Variants in BMS1 observed in about 807,000 individuals in gnomAD.
The protein encoded by BMS1 is BMS1 ribosome biogenesis factor, also known as ribosome biogenesis protein BMS1 homolog.
Under a neutral mutation model 138.7 loss-of-function variants are expected in BMS1, and 53 were observed. The observed-to-expected ratio is 0.38, with a 90% confidence interval of 0.31 to 0.48. The LOEUF is 0.48. Ranked by LOEUF, BMS1 falls within the 20% of genes least tolerant of loss-of-function variation. The pLI, the probability that BMS1 is intolerant of heterozygous loss-of-function variation, is 0.97. For synonymous variants in BMS1, 504 were observed against 539.9 expected, an observed-to-expected ratio of 0.93 and a Z score of 0.92; for missense variants, 1,360 against 1,565.5, an observed-to-expected ratio of 0.87 and a Z score of 2.22.
intron 2 of BMS1, 150 bp downstream of exon 2, chr10:42,784,720 A>C (rs578007308): frequency 1.6e-5 from 14 of 896,550 alleles, no homozygotes; most frequent in Admixed American, 3.4e-5. Context: ...AAACGTGAGA[A>C]GCTTTTCCCA....
rs902607196 is a variant in BMS1, at chr10:42,831,942, CTA to C, written c.*848_*849del. On this transcript the variant is annotated 3_prime_UTR_variant, in exon 23 of 23. Coordinates refer to ENST00000374518, the MANE Select transcript of BMS1 (RefSeq NM_014753.4). ...GTATGTTGATATAGTTATGGGGAAT[CTA>C]TTCCTATACGATGTAATCATAGATT... 10 of 152,022 alleles carry C rather than the reference CTA, an allele frequency of 6.6e-5. No homozygotes were observed. Among genetic ancestry groups the C allele is most frequent in the African/African-American group, 2.2e-4 (9 of 41,404 alleles). 9.4% of individuals were successfully genotyped at this position (152,022 alleles called of 1,614,324 possible).
chr10:42,801,120 G>T (rs1407979667), intron 12 of BMS1, among the ~76,000 whole-genome samples: 1 of 152,148 alleles, frequency 6.6e-6, no homozygotes, highest in Non-Finnish European at 1.5e-5. Context: ...GTAGGAAATG[G>T]TATTTCAACG....
In BMS1 at chr10:42,785,508, A is replaced by G; in HGVS notation, c.203A>G (p.His68Arg). ...HRTQDLKTKK[H>R]HIPVVDRTPL... ...ACTCAGGATTTGAAGACAAAAAAGC[A>G]TCATATTCCAGTGGTTGATCGAACT... is the stretch of plus-strand genomic sequence containing the variant. Residue 68 changes from histidine to arginine, a missense_variant, in exon 3 of 23, where the codon CAT becomes CGT. His to Arg is a conservative substitution (Grantham distance 29). Coordinates refer to ENST00000374518, the MANE Select transcript of BMS1 (RefSeq NM_014753.4). 1.2e-6 allele frequency: 2 copies of G among 1,611,148 alleles called. No individual in the cohort carries two copies. The highest frequency in any genetic ancestry group is 8.5e-7 in the Non-Finnish European group (1 of 1,178,716).
rs753042234 is a variant in BMS1 at position 42,793,149 on chromosome 10, C to T, written c.1089+5C>T. The T allele has an allele frequency of 1.9e-5, 30 of 1,595,496 alleles. No homozygotes were observed. In the South Asian group the frequency reaches 2.1e-4, roughly 11 times the overall value. On this transcript the variant is annotated splice_donor_5th_base_variant and intron_variant, in intron 8 of 22. Transcript: ENST00000374518. ...GGTGGCAGCCACGTTTTTCAGGTAT[C>T]GGTGAGACGGGAGTCATTTCTCTGA... is the stretch of plus-strand genomic sequence containing the variant.
chr10:42,832,023 T>TA lies in BMS1; in HGVS notation c.*928dup. The TA allele has an allele frequency of 6.6e-6, 1 of 152,220 alleles. No individual in the cohort carries two copies. Among genetic ancestry groups the TA allele is most frequent in the East Asian group, 1.9e-4 (1 of 5,192 alleles). The allele number at this position is 152,220 out of a possible 1,614,324, so 9.4% of individuals were successfully genotyped here. On this transcript the variant is annotated 3_prime_UTR_variant, in exon 23 of 23. Transcript: ENST00000374518. ...TCTCTCAGTGGTAATGTTTCACACATATAACAATCAGGATGTTGACATCAA... is the reference window on the plus strand; with the variant it reads ...TCTCTCAGTGGTAATGTTTCACACATAATAACAATCAGGATGTTGACATCAA...
At chr10:42,830,450 C>G (rs762863556) in intron 22 of BMS1, 28 bp downstream of exon 22, 2 of 1,577,448 alleles carry the variant, frequency 1.3e-6, no homozygotes, top group Non-Finnish European at 1.7e-6. Context: ...GTACTGCACG[C>G]TGCGTTTAGA....
chr10:42,792,350 A>G, intron 6 of BMS1, 143 bp from the exon 7 acceptor site: 1 of 1,133,562 alleles, frequency 8.8e-7, no homozygotes. Context: ...GTGGATGGTG[A>G]ATGGTGCCTC....
At chr10:42,822,304 C>T in intron 19 of BMS1, 120 bp downstream of exon 19, 3 of 601,106 alleles carry the variant, frequency 5.0e-6, no homozygotes, top group Non-Finnish European at 8.2e-6. Context: ...CTTTTATAAA[C>T]TTCATATTTT....
intron 15 of BMS1, among the ~76,000 whole-genome samples, 190 bp downstream of exon 15, chr10:42,817,684 T>C (rs17159047): frequency 0.094 from 14,353 of 152,202 alleles, 794 homozygotes; most frequent in African/African-American, 0.12. Context: ...GTTTCTGCAG[T>C]CAGAGGGTCA....
At position 42,832,701 on chromosome 10, in the gene BMS1, C is replaced by G. The variant is rs1842822205; in HGVS notation, c.*1605C>G. 1.3e-5 allele frequency: 2 copies of G among 152,090 alleles called. No individual in the cohort carries two copies. Among genetic ancestry groups the G allele is most frequent in the Admixed American group, 6.6e-5 (1 of 15,266 alleles). 9.4% of individuals were successfully genotyped at this position (152,090 alleles called of 1,614,324 possible). On this transcript the variant is annotated 3_prime_UTR_variant, in exon 23 of 23. Transcript: ENST00000374518. Reference sequence around the variant, plus strand: ...AAGAAGGGAAGAGGATGTGAGGATCCTGTCAGGGCTAGGTCCACCTGGGAA... The same window carrying G: ...AAGAAGGGAAGAGGATGTGAGGATCGTGTCAGGGCTAGGTCCACCTGGGAA...
At position 42,823,155 on chromosome 10, in the gene BMS1, A is replaced by G; in HGVS notation, c.3170A>G (p.Glu1057Gly). Reference protein sequence around the residue: ...FNSALEVAKFEGAVIRTVSGI... With the variant: ...FNSALEVAKFGGAVIRTVSGI... ...TCTGCCTTGGAAGTGGCCAAATTTG[A>G]AGGTGCTGTGATTCGAACAGTCAGT... The change falls in exon 20 of 23, where the codon GAA (glutamate) becomes GGA (glycine). Residue 1057 changes from glutamate (E) to glycine (G), a missense_variant. Physicochemically the swap from Glu to Gly is moderately conservative, Grantham distance 98. Around this residue, in one of 3 missense-constraint regions of BMS1, gnomAD observed 425 missense variants for 568.3 expected, o/e 0.75. Transcript: ENST00000374518. 6.2e-7 allele frequency: 1 copy of G among 1,606,532 alleles called. No individual in the cohort carries two copies. The highest frequency in any genetic ancestry group is 8.5e-7 in the Non-Finnish European group (1 of 1,178,070).
chr10:42,806,689 C>G (rs183031365), intron 13 of BMS1, among the ~76,000 whole-genome samples: 1 of 147,200 alleles, frequency 6.8e-6, no homozygotes, highest in African/African-American at 2.5e-5. Context: ...AAGCTGAGAT[C>G]GCGCCACTGT....
In BMS1 at chr10:42,823,480, G is replaced by A. The variant is rs1842559123; in HGVS notation, c.3281-129G>A. ...GATCTATGAGAATAGTTTCCTTAGC[G>A]AGCTTTTCCTTCAAATACTTTGCAG... On this transcript the variant is annotated intron_variant, in intron 20 of 22. Coordinates refer to ENST00000374518, the MANE Select transcript of BMS1 (RefSeq NM_014753.4). 7 of 1,145,572 alleles carry A rather than the reference G, an allele frequency of 6.1e-6. No individual in the cohort carries two copies. In the East Asian group the frequency reaches 7.9e-5, roughly 13 times the overall value. 71.0% of individuals were successfully genotyped at this position (1,145,572 alleles called of 1,614,324 possible).
chr10:42,785,407 A>T, intron 2 of BMS1, 75 bp from the exon 3 acceptor site: 6 of 1,378,238 alleles, frequency 4.4e-6, no homozygotes, highest in Non-Finnish European at 5.8e-6. Context: ...AAGTCTACTT[A>T]TAAGGTTGAT....
rs553190220 is a variant in BMS1, at chr10:42,793,998, C to T, written c.1229+7C>T. ...AGGATATAGATAATCAAGGGTAAGTCTGCTTTTTTTCTATTTTTAATAAAA... is the reference window on the plus strand; with the variant it reads ...AGGATATAGATAATCAAGGGTAAGTTTGCTTTTTTTCTATTTTTAATAAAA... On this transcript the variant is annotated splice_region_variant and intron_variant, in intron 9 of 22. Transcript: ENST00000374518. 1 of 1,610,926 alleles carries T rather than the reference C, an allele frequency of 6.2e-7. No individual in the cohort carries two copies. The highest frequency in any genetic ancestry group is 1.1e-5 in the South Asian group (1 of 90,802).
In BMS1 at chr10:42,831,374, A is replaced by G; in HGVS notation, c.*278A>G. 1 of 317,422 alleles carries G rather than the reference A, an allele frequency of 3.2e-6. No individual in the cohort carries two copies. The highest frequency in any genetic ancestry group is 7.5e-5 in the South Asian group (1 of 13,338). The allele number at this position is 317,422 out of a possible 1,614,324, so 19.7% of individuals were successfully genotyped here. ...CCTCAGTTTAATTATTTTGTCCTAC[A>G]GAAATATCATTAAAATATTTTTTTG... On this transcript the variant is annotated 3_prime_UTR_variant, in exon 23 of 23. Transcript: ENST00000374518.
At chr10:42,818,325 C>G (rs1038295071) in intron 15 of BMS1, among the ~76,000 whole-genome samples, 1 of 152,190 alleles carries the variant, frequency 6.6e-6, no homozygotes, top group African/African-American at 2.4e-5. Flanking sequence ...TTAAAATTAC[C>G]TAGAGCCTTG....
At chr10:42,803,448 T>C (rs1841928449) in intron 13 of BMS1, among the ~76,000 whole-genome samples, 1 of 152,154 alleles carries the variant, frequency 6.6e-6, no homozygotes, top group Non-Finnish European at 1.5e-5. Flanking sequence ...CTGTAGTATG[T>C]GAATGTATTC....
chr10:42,793,143 A>G lies in BMS1; in HGVS notation c.1088A>G (p.Gln363Arg), dbSNP rs141838653. The stretch of plus-strand genomic sequence containing the variant: ...GACCTTGGTGGCAGCCACGTTTTTC[A>G]GGTATCGGTGAGACGGGAGTCATTT... Reference protein sequence around the residue: ...YVDLGGSHVFQDEVGPTHELV... With the variant: ...YVDLGGSHVFRDEVGPTHELV... Residue 363 changes from glutamine (Q) to arginine (R), a missense_variant and splice_region_variant, in exon 8 of 23, where the codon CAG (glutamine) becomes CGG (arginine). Gln to Arg is a conservative substitution (Grantham distance 43). Around this residue, in one of 3 missense-constraint regions of BMS1, gnomAD observed 697 missense variants for 686.2 expected, o/e 1.02. Coordinates refer to ENST00000374518, the MANE Select transcript of BMS1 (RefSeq NM_014753.4). The G allele has an allele frequency of 6.0e-4, 957 of 1,604,224 alleles. 1 individual carries two copies. Among genetic ancestry groups the G allele is most frequent in the Middle Eastern group, 1.3e-3 (8 of 5,996 alleles).
Sources: gnomAD v4.1 joint callset for allele counts (sites outside exome capture counted in the v4.1 genomes callset) on GRCh38, gnomAD v4.1.1 for gene constraint, gnomAD v4.1.1 regional missense constraint, MANE v1.5 for transcripts, NCBI Gene and HGNC (gene_info 2026-07-23, HGNC 2026-07-21) for gene names.